Variants in DYM observed in about 807,000 individuals in gnomAD.
The protein encoded by DYM is dyggve-Melchior-Clausen syndrome protein.
In DYM, 78 loss-of-function variants were observed where a neutral mutation model predicts 93.1. The observed-to-expected ratio is 0.84, with a 90% CI of 0.70 to 1.01. The LOEUF is 1.01. Ranked by LOEUF, DYM falls within the 50% of genes least tolerant of loss-of-function variation. The pLI is 0.00. For missense variants in DYM, 789 were observed against 845.0 expected (o/e 0.93, Z 0.82); for synonymous variants, 321 against 319.7 (o/e 1.00, Z -0.04).
chr18:49,238,538 T>A (rs1395098814), intron 13 of DYM, among the ~76,000 whole-genome samples: 1 of 151,918 alleles, frequency 6.6e-6, no homozygotes, highest in Non-Finnish European at 1.5e-5. Context: ...TTGTATTAGT[T>A]CCCCTAAGCC....
chr18:49,163,880 T>G, intron 14 of DYM, 93 bp from the exon 15 acceptor site: 1 of 786,192 alleles, frequency 1.3e-6, no homozygotes. Context: ...ATGTCAATTA[T>G]TCTAAAATAT....
intron 1 of DYM, among the ~76,000 whole-genome samples, chr18:49,446,896 T>C (rs1341502984): frequency 1.3e-5 from 2 of 151,822 alleles, no homozygotes; most frequent in African/African-American, 2.4e-5. Context: ...CCGTCTCTAC[T>C]AAAAATACAA....
rs150946771 is a variant in DYM, at chr18:49,427,495, T to C, written c.140+2760A>G. Among the ~76,000 whole-genome samples the C allele has an allele frequency of 3.2e-3, 492 of 152,256 alleles. 2 individuals are homozygous for C. Among genetic ancestry groups the C allele is most frequent in the Non-Finnish European group, 5.3e-3 (358 of 68,024 alleles). The stretch of plus-strand genomic sequence containing the variant: ...TAAAACAACTTTAATTTAAATTTAA[T>C]TAAAATTTAAATATGGAAAAATTTA... On this transcript the variant is annotated intron_variant, in intron 2 of 17. Coordinates refer to ENST00000675505, the MANE Select transcript of DYM (RefSeq NM_001353214.3).
At position 49,286,462 on chromosome 18, in the gene DYM, T is replaced by C; in HGVS notation, c.918A>G (p.Gln306=). 1 of 1,614,150 alleles carries C rather than the reference T, an allele frequency of 6.2e-7. No individual in the cohort carries two copies. Residue 306 remains glutamine (Q), a synonymous_variant, in exon 9 of 18, where the codon CAA becomes CAG. Coordinates refer to ENST00000675505, the MANE Select transcript of DYM (RefSeq NM_001353214.3). ...GTGTGTTCTTGAAGGACATAATGGCTTGTCTGTAGGGGTTTGGCGCATCTG... is the reference window on the plus strand; with the variant it reads ...GTGTGTTCTTGAAGGACATAATGGCCTGTCTGTAGGGGTTTGGCGCATCTG... ...DASDAPNPYR[Q]AIMSFKNTQD...
chr18:49,306,783 G>A (rs916288281), intron 8 of DYM, among the ~76,000 whole-genome samples: 9 of 152,160 alleles, frequency 5.9e-5, no homozygotes, highest in Non-Finnish European at 4.4e-5. Flanking sequence ...AACAACCTGT[G>A]AATTACTATG....
At chr18:49,183,221 CACA>C (rs10580358) in intron 14 of DYM, among the ~76,000 whole-genome samples, 91,475 of 151,688 alleles carry the variant, frequency 0.6, 29,127 homozygotes, top group Non-Finnish European at 0.73. Flanking sequence ...ATTTTATTTG[CACA>C]ACTAGTCTCT....
intron 14 of DYM, among the ~76,000 whole-genome samples, chr18:49,208,182 C>CAAAAA (rs138264681): frequency 1.4e-4 from 8 of 58,300 alleles, no homozygotes; most frequent in African/African-American, 4.2e-4. Context: ...GACTCCATCT[C>CAAAAA]AAAAAAAAAA....
chr18:49,240,244 C>A (rs1217006453), intron 13 of DYM, among the ~76,000 whole-genome samples: 1 of 152,138 alleles, frequency 6.6e-6, no homozygotes, highest in African/African-American at 2.4e-5. Flanking sequence ...CCTGAAAGGG[C>A]ATTAGAGTGC....
intron 13 of DYM, among the ~76,000 whole-genome samples, chr18:49,233,071 T>C (rs372088737): frequency 9.2e-5 from 14 of 152,214 alleles, no homozygotes; most frequent in African/African-American, 3.1e-4. Context: ...TATCTAAAAA[T>C]GTACCTTTCG....
At chr18:49,112,606 G>GAAC (rs1175525938) in intron 16 of DYM, among the ~76,000 whole-genome samples, 3 of 152,080 alleles carry the variant, frequency 2.0e-5, no homozygotes, top group African/African-American at 7.2e-5. Context: ...TGTTAGGGTA[G>GAAC]AACTCTTCCT....
At chr18:49,242,042 G>A (rs1239720822) in intron 13 of DYM, among the ~76,000 whole-genome samples, 1 of 152,174 alleles carries the variant, frequency 6.6e-6, no homozygotes, top group Non-Finnish European at 1.5e-5. Context: ...AGTCAGACAG[G>A]CTGCCTGGAG....
chr18:49,039,489 T>A lies in DYM; in HGVS notation c.*4566A>T, dbSNP rs952779788. On this transcript the variant is annotated 3_prime_UTR_variant, in exon 18 of 18. Transcript: ENST00000675505. ...AAGTTCTCAGCCATTTGTTTAAATA[T>A]TCCTTTCTTCTACTCTTTTGAGATG... 1.3e-5 allele frequency among the ~76,000 whole-genome samples: 2 copies of A among 152,198 alleles called. No individual in the cohort carries two copies. The highest frequency in any genetic ancestry group is 4.8e-5 in the African/African-American group (2 of 41,458).
At chr18:49,260,248 T>C (rs1009932059) in intron 11 of DYM, among the ~76,000 whole-genome samples, 2 of 152,128 alleles carry the variant, frequency 1.3e-5, no homozygotes, top group African/African-American at 4.8e-5. Flanking sequence ...GGTGTAGTAG[T>C]GTACGCCTAT....
At chr18:49,130,353 T>C (rs1395207514) in intron 15 of DYM, among the ~76,000 whole-genome samples, 1 of 152,184 alleles carries the variant, frequency 6.6e-6, no homozygotes, top group Non-Finnish European at 1.5e-5. Flanking sequence ...CCAACTCCCA[T>C]TAATAGTCTA....
At position 49,272,320 on chromosome 18, in the gene DYM, A is replaced by G; in HGVS notation, c.1126-17T>C. The G allele has an allele frequency of 7.1e-7, 1 of 1,418,246 alleles. No individual in the cohort carries two copies. Among genetic ancestry groups the G allele is most frequent in the Non-Finnish European group, 1.0e-6 (1 of 1,004,688 alleles). 87.9% of individuals were successfully genotyped at this position (1,418,246 alleles called of 1,614,324 possible). A position where few individuals can be genotyped will look rare whatever the true frequency, so the allele number is the denominator to read the frequency against. On this transcript the variant is annotated splice_polypyrimidine_tract_variant and intron_variant, in intron 10 of 17. Transcript: ENST00000675505. ...TGGTAAAACCTAGAGAATAAAAATT[A>G]TAATTGACTATTTCAATACTTCATT...
chr18:49,080,718 G>A (rs1248142606), intron 17 of DYM, among the ~76,000 whole-genome samples: 10 of 147,844 alleles, frequency 6.8e-5, no homozygotes, highest in South Asian at 2.2e-4. Flanking sequence ...GGTGGCTGCC[G>A]GGCAGAGGGG....
chr18:49,176,669 C>A (rs1295035935), intron 14 of DYM, among the ~76,000 whole-genome samples: 1 of 151,038 alleles, frequency 6.6e-6, no homozygotes, highest in African/African-American at 2.4e-5. Flanking sequence ...CCCACTTCAG[C>A]CTCCCAAAGT....
intron 3 of DYM, among the ~76,000 whole-genome samples, chr18:49,391,070 A>T (rs1239833055): frequency 1.3e-5 from 2 of 152,226 alleles, no homozygotes; most frequent in Admixed American, 6.5e-5. Context: ...TGAATATTTC[A>T]TATTACCTAA....
intron 2 of DYM, among the ~76,000 whole-genome samples, chr18:49,423,403 A>G (rs1832140012): frequency 6.6e-6 from 1 of 152,236 alleles, no homozygotes; most frequent in South Asian, 2.1e-4. Flanking sequence ...CAGTGTGTAG[A>G]GGGAAATTTA....
Sources: allele counts gnomAD v4.1 joint callset (sites outside exome capture counted in the v4.1 genomes callset), GRCh38; gene constraint gnomAD v4.1.1; transcripts MANE v1.5; gene names NCBI Gene and HGNC (gene_info 2026-07-23, HGNC 2026-07-21).